The following EYS variants were observed in gnomAD, a reference collection of about 807,000 sequenced individuals.
EYS encodes EGF-like photoreceptor maintenance factor, also known as protein eyes shut homolog.
EYS carries 250 observed loss-of-function variants against 282.1 expected under a neutral mutation model. The ratio of observed to expected loss-of-function variants is 0.89; its 90% CI spans 0.80 to 0.98. EYS has a LOEUF of 0.98. EYS is among the 50% of genes least tolerant of loss of function. The probability of loss-of-function intolerance (pLI) is 0.00; values close to 1 mark genes in which losing one functional copy is unlikely to be tolerated. For missense variants in EYS, 4,016 were observed against 3,709.0 expected, an observed-to-expected ratio of 1.08 and a Z score of -2.15; for synonymous variants, 1,355 against 1,282.9, an observed-to-expected ratio of 1.06 and a Z score of -1.20.
chr6:65,067,725 C>G (rs1773787691), intron 12 of EYS, among the ~76,000 whole-genome samples: 1 of 152,078 alleles, frequency 6.6e-6, no homozygotes. Flanking sequence ...GTTGTCCACT[C>G]ATGGACAGGA....
chr6:64,701,165 C>T (rs1770773128), intron 22 of EYS, among the ~76,000 whole-genome samples: 1 of 152,038 alleles, frequency 6.6e-6, no homozygotes, highest in South Asian at 2.1e-4. Context: ...ACTGGATTGC[C>T]ATATGCCGAA....
At chr6:63,764,141 C>T (rs963356632) in intron 40 of EYS, among the ~76,000 whole-genome samples, 3 of 151,744 alleles carry the variant, frequency 2.0e-5, no homozygotes, top group South Asian at 2.1e-4. Context: ...GTCTAAAAAG[C>T]GCATTCTAGA....
intron 30 of EYS, among the ~76,000 whole-genome samples, chr6:64,245,964 A>G (rs1766999968): frequency 7.7e-6 from 1 of 129,700 alleles, no homozygotes; most frequent in African/African-American, 2.9e-5. Flanking sequence ...GCTTGCAGTG[A>G]GTCGAGATCG....
At chr6:63,978,729 G>A (rs1381811668) in intron 35 of EYS, among the ~76,000 whole-genome samples, 2 of 151,850 alleles carry the variant, frequency 1.3e-5, no homozygotes, top group East Asian at 1.9e-4. Context: ...GCTAAGACCT[G>A]ATATCCTGTC....
intron 35 of EYS, among the ~76,000 whole-genome samples, chr6:63,874,799 T>C (rs1362667351): frequency 1.3e-5 from 2 of 152,232 alleles, no homozygotes; most frequent in Non-Finnish European, 2.9e-5. Context: ...TAGGAATGCC[T>C]GTGATTTTTG....
chr6:64,151,362 T>TAA lies in EYS; in HGVS notation c.6425-69362_6425-69361dup, dbSNP rs1458348098. On this transcript the variant is annotated intron_variant, in intron 31 of 42. Coordinates refer to ENST00000503581, the MANE Select transcript of EYS (RefSeq NM_001142800.2). The stretch of plus-strand genomic sequence containing the variant: ...ATATATATATATATATATATATATA[T>TAA]AATTTTTTTTTTCTTTTGAGATGGA... 1.1e-4 allele frequency among the ~76,000 whole-genome samples: 12 copies of TAA among 108,810 alleles called. No homozygotes were observed. In the East Asian group the frequency reaches 2.8e-3, roughly 25 times the overall value. 71.4% of individuals were successfully genotyped at this position (108,810 alleles called of 152,430 possible).
At chr6:64,239,467 C>A (rs539630794) in intron 30 of EYS, among the ~76,000 whole-genome samples, 3 of 152,124 alleles carry the variant, frequency 2.0e-5, no homozygotes, top group Middle Eastern at 3.2e-3. Context: ...GAGATGGTAT[C>A]TCATTGTGGT....
intron 11 of EYS, chr6:65,332,359 G>A (rs1489463432): frequency 1.1e-6 from 1 of 875,082 alleles, no homozygotes; most frequent in South Asian, 1.4e-5. Flanking sequence ...TGGTCATGCT[G>A]TATAAACCTT....
At chr6:63,772,382 T>C (rs1489805624) in intron 40 of EYS, among the ~76,000 whole-genome samples, 1 of 152,156 alleles carries the variant, frequency 6.6e-6, no homozygotes, top group Non-Finnish European at 1.5e-5. Context: ...TAGATCTCTT[T>C]CATGCTGAAA....
chr6:65,344,236 AATT>A, intron 9 of EYS, 59 bp from the exon 10 acceptor site: 2 of 1,364,954 alleles, frequency 1.5e-6, no homozygotes, highest in Non-Finnish European at 1.0e-6. Flanking sequence ...ATTCAGAATG[AATT>A]ATTAAGGACT....
At chr6:64,345,532 C>T (rs1391608628) in intron 29 of EYS, among the ~76,000 whole-genome samples, 34 of 152,162 alleles carry the variant, frequency 2.2e-4, no homozygotes, top group Admixed American at 5.9e-4. Flanking sequence ...CTTCCTTACA[C>T]CTTATACAAA....
chr6:65,606,274 AT>A lies in EYS; in HGVS notation c.-333+33503del, dbSNP rs1048907572. Among the ~76,000 whole-genome samples, 27 of 151,816 alleles carry A rather than the reference AT, an allele frequency of 1.8e-4. 1 individual carries two copies. The highest frequency in any genetic ancestry group is 6.3e-4 in the African/African-American group (26 of 41,426). ...AATATTCTATACACACAAATGTGAAATGATCACATCAAAGTAAAACTATTTA... is the reference window on the plus strand; with the variant it reads ...AATATTCTATACACACAAATGTGAAAGATCACATCAAAGTAAAACTATTTA... On this transcript the variant is annotated intron_variant, in intron 2 of 42. Transcript: ENST00000503581.
At chr6:64,878,311 A>T (rs1766813488) in intron 19 of EYS, among the ~76,000 whole-genome samples, 1 of 152,158 alleles carries the variant, frequency 6.6e-6, no homozygotes, top group Non-Finnish European at 1.5e-5. Context: ...ATGTGGAAAA[A>T]CAGAAAATGT....
At chr6:65,618,735 G>A (rs894067381) in intron 2 of EYS, among the ~76,000 whole-genome samples, 18 of 152,268 alleles carry the variant, frequency 1.2e-4, no homozygotes, top group Admixed American at 4.6e-4. Context: ...TTTATATAAG[G>A]TGTAAGGAAG....
At chr6:65,373,314 T>C (rs1765232836) in intron 8 of EYS, among the ~76,000 whole-genome samples, 1 of 152,212 alleles carries the variant, frequency 6.6e-6, no homozygotes, top group South Asian at 2.1e-4. Flanking sequence ...AAATCAAATA[T>C]GCTAAGAAAA....
intron 31 of EYS, among the ~76,000 whole-genome samples, chr6:64,120,020 T>C (rs2150273050): frequency 6.6e-6 from 1 of 151,862 alleles, no homozygotes. Context: ...AAATTTACCA[T>C]ATTATTGTGT....
chr6:65,330,064 C>A lies in EYS; in HGVS notation c.1766+4916G>T, dbSNP rs115264482. On this transcript the variant is annotated intron_variant, in intron 11 of 42. Transcript: ENST00000503581. The stretch of plus-strand genomic sequence containing the variant: ...AAGACACACTGCTATAATCAAGCAA[C>A]TTGTATGTTCAGAAAGTGAAAAAAA... The A allele has an allele frequency of 2.1e-3, 2,043 of 984,102 alleles. 44 individuals carry two copies. In the African/African-American group the frequency reaches 0.032, roughly 16 times the overall value. 61.0% of individuals were successfully genotyped at this position (984,102 alleles called of 1,614,324 possible).
At chr6:64,118,542 A>G (rs1773467128) in intron 31 of EYS, among the ~76,000 whole-genome samples, 1 of 152,142 alleles carries the variant, frequency 6.6e-6, no homozygotes, top group Admixed American at 6.5e-5. Context: ...TGAACTCAAA[A>G]TGGATGAAAT....
chr6:64,076,882 G>A (rs1387909468), intron 32 of EYS, among the ~76,000 whole-genome samples: 2 of 151,886 alleles, frequency 1.3e-5, no homozygotes, highest in East Asian at 1.9e-4. Context: ...TTTAAGACAT[G>A]TCACAACCAG....
Sources: allele counts gnomAD v4.1 joint callset (sites outside exome capture counted in the v4.1 genomes callset), GRCh38; gene constraint gnomAD v4.1.1; transcripts MANE v1.5; gene names NCBI Gene and HGNC (gene_info 2026-07-23, HGNC 2026-07-21).